ZNF561: variants seen among roughly 807,000 people sequenced by gnomAD.
The protein encoded by ZNF561 is zinc finger protein 561.
A neutral mutation model predicts 16.7 loss-of-function variants in ZNF561; 16 were observed. The ratio of observed to expected loss-of-function variants is 0.96; its 90% CI spans 0.65 to 1.45. ZNF561 has a LOEUF of 1.45. Ranked by LOEUF, ZNF561 falls within the 40% of genes most tolerant of loss-of-function variation. The pLI, the probability that ZNF561 is intolerant of heterozygous loss-of-function variation, is 0.00. For missense variants in ZNF561, 580 were observed against 578.0 expected, an observed-to-expected ratio of 1.00 and a Z score of -0.04; for synonymous variants, 190 against 192.1, an observed-to-expected ratio of 0.99 and a Z score of 0.09.
Position 9,610,229 on chromosome 19 carries a change from C to G in ZNF561, c.1432G>C (p.Glu478Gln). 1 of 1,607,112 alleles carries G rather than the reference C, an allele frequency of 6.2e-7. No homozygotes were observed. The highest frequency in any genetic ancestry group is 8.5e-7 in the Non-Finnish European group (1 of 1,176,448). The change falls in exon 6 of 6, where the codon GAA becomes CAA. Residue 478 changes from glutamate (E) to glutamine (Q), a missense_variant. Transcript: ENST00000302851. ...ATGGTAACACTCATATCCTTGCATTCATAGGGTTTCTCCCCAGTGTGAATT... is the reference window on the plus strand; with the variant it reads ...ATGGTAACACTCATATCCTTGCATTGATAGGGTTTCTCCCCAGTGTGAATT... ...ERIHTGEKPYECKDMSVTI is the reference protein window; with the variant it reads ...ERIHTGEKPYQCKDMSVTI
chr19:9,612,226 C>T (rs911281882), intron 5 of ZNF561, among the ~76,000 whole-genome samples: 1 of 151,828 alleles, frequency 6.6e-6, no homozygotes, highest in South Asian at 2.1e-4. Flanking sequence ...CCATGCCCCA[C>T]CTCAGTTTAT....
chr19:9,613,678 C>T lies in ZNF561; in HGVS notation c.324+343G>A, dbSNP rs138102400. The stretch of plus-strand genomic sequence containing the variant: ...TATGACAGGTGCCCACCACCACACT[C>T]GGCTAATTTTGTATTCTTAGTAGAG... On this transcript the variant is annotated intron_variant, in intron 5 of 5. Coordinates refer to ENST00000302851, the MANE Select transcript of ZNF561 (RefSeq NM_152289.3). 1.9e-3 allele frequency among the ~76,000 whole-genome samples: 288 copies of T among 152,212 alleles called. 2 individuals are homozygous for T. The highest frequency in any genetic ancestry group is 6.4e-3 in the African/African-American group (267 of 41,516).
In ZNF561 at chr19:9,609,193, T is replaced by C. The variant is rs1331464450; in HGVS notation, c.*1007A>G. The C allele has an allele frequency of 1.3e-5, 2 of 152,204 alleles. No homozygotes were observed. Among genetic ancestry groups the C allele is most frequent in the Admixed American group, 6.5e-5 (1 of 15,274 alleles). The allele number at this position is 152,204 out of a possible 1,614,324, so 9.4% of individuals were successfully genotyped here. A position where few individuals can be genotyped will look rare whatever the true frequency, so the allele number is the denominator to read the frequency against. On this transcript the variant is annotated 3_prime_UTR_variant, in exon 6 of 6. Transcript: ENST00000302851. The stretch of plus-strand genomic sequence containing the variant: ...AGGAATACTTTTAGCTAATCTATAA[T>C]CTATAGAAATAATGTTTATCACAGG...
At chr19:9,618,284 T>C (rs2074595890) in intron 2 of ZNF561, 105 bp from the exon 3 acceptor site, 6 of 1,119,286 alleles carry the variant, frequency 5.4e-6, no homozygotes, top group Non-Finnish European at 7.7e-6. Context: ...GATATGCTCC[T>C]ACACACTCGA....
intron 4 of ZNF561, among the ~76,000 whole-genome samples, chr19:9,615,198 G>T (rs1015358607): frequency 1.3e-5 from 2 of 152,002 alleles, no homozygotes; most frequent in African/African-American, 4.8e-5. Flanking sequence ...TAAAAGCTAA[G>T]ATCTCCATTT....
Position 9,609,016 on chromosome 19 carries a change from G to A in ZNF561, c.*1184C>T, listed in dbSNP as rs1278451897. On this transcript the variant is annotated 3_prime_UTR_variant, in exon 6 of 6. Transcript: ENST00000302851. Reference sequence around the variant, plus strand: ...CTGGAGGTTGCTGGTTTACCCGAATGAGGGCAAGGAACACCTGGCCCACCC... The same window carrying A: ...CTGGAGGTTGCTGGTTTACCCGAATAAGGGCAAGGAACACCTGGCCCACCC... 2 of 152,166 alleles carry A rather than the reference G, an allele frequency of 1.3e-5. No individual in the cohort carries two copies. The highest frequency in any genetic ancestry group is 2.9e-5 in the Non-Finnish European group (2 of 68,038). 9.4% of individuals were successfully genotyped at this position (152,166 alleles called of 1,614,324 possible).
intron 2 of ZNF561, among the ~76,000 whole-genome samples, chr19:9,618,696 A>G (rs2074603634): frequency 6.6e-6 from 1 of 151,978 alleles, no homozygotes; most frequent in Non-Finnish European, 1.5e-5. Flanking sequence ...ACTGCACTCT[A>G]GCCTGGGTGA....
intron 4 of ZNF561, 178 bp from the exon 5 acceptor site, chr19:9,614,281 T>C: frequency 3.1e-6 from 2 of 646,826 alleles, no homozygotes; most frequent in Non-Finnish European, 5.3e-6. Context: ...ACATAACTGA[T>C]GTGTTTAGAT....
intron 4 of ZNF561, among the ~76,000 whole-genome samples, chr19:9,616,512 C>T (rs1256540514): frequency 6.6e-5 from 10 of 152,018 alleles, no homozygotes; most frequent in Admixed American, 1.3e-4. Context: ...AATTCCTGAC[C>T]GCATGTGATC....
chr19:9,619,836 C>T (rs1370655820), intron 1 of ZNF561, among the ~76,000 whole-genome samples: 1 of 148,716 alleles, frequency 6.7e-6, no homozygotes, highest in Non-Finnish European at 1.5e-5. Context: ...GCTATCATTA[C>T]CTCTATCTAT....
In ZNF561 at chr19:9,619,489, C is replaced by A. The variant is rs762183925; in HGVS notation, c.-33G>T. 1 of 1,611,552 alleles carries A rather than the reference C, an allele frequency of 6.2e-7. No homozygotes were observed. Among genetic ancestry groups the A allele is most frequent in the Non-Finnish European group, 8.5e-7 (1 of 1,178,322 alleles). On this transcript the variant is annotated 5_prime_UTR_variant, in exon 2 of 6. Coordinates refer to ENST00000302851, the MANE Select transcript of ZNF561 (RefSeq NM_152289.3). ...AGCTGATGGTGTGATGATGTGCATC[C>A]CTTCCTTGATGCCAAGATCACCTCA...
chr19:9,612,498 G>T (rs780609438), intron 5 of ZNF561, among the ~76,000 whole-genome samples: 2 of 152,044 alleles, frequency 1.3e-5, no homozygotes, highest in Admixed American at 6.6e-5. Flanking sequence ...GATTACAGGC[G>T]TGAGCCACCA....
intron 1 of ZNF561, 51 bp from the exon 2 acceptor site, chr19:9,619,633 A>G (rs1157958077): frequency 3.9e-6 from 2 of 515,146 alleles, no homozygotes; most frequent in Non-Finnish European, 6.6e-6. Flanking sequence ...GTCATCAAAC[A>G]TTATGCCTGA....
In ZNF561 at chr19:9,611,296, T is replaced by C; in HGVS notation, c.365A>G (p.Asn122Ser). The change falls in exon 6 of 6, where the codon AAT becomes AGT. Residue 122 changes from asparagine (N) to serine (S), a missense_variant. Coordinates refer to ENST00000302851, the MANE Select transcript of ZNF561 (RefSeq NM_152289.3). Reference protein sequence around the residue: ...YSGWKLCDCKNCGEVFREQFC... With the variant: ...YSGWKLCDCKSCGEVFREQFC... ...CTGTTCCCTGAAGACCTCTCCACAATTCTTACAGTCACAGAGTTTCCATCC... is the reference window on the plus strand; with the variant it reads ...CTGTTCCCTGAAGACCTCTCCACAACTCTTACAGTCACAGAGTTTCCATCC... 6.2e-7 allele frequency: 1 copy of C among 1,613,698 alleles called. No homozygotes were observed.
In ZNF561 at chr19:9,608,041, T is replaced by C. The variant is rs1017684804; in HGVS notation, c.*2159A>G. ...TACCCGCCACCACGCCAGGCTAATTTTTTGTATTTGTAGTAGAGACAGGGT... is the reference window on the plus strand; with the variant it reads ...TACCCGCCACCACGCCAGGCTAATTCTTTGTATTTGTAGTAGAGACAGGGT... On this transcript the variant is annotated 3_prime_UTR_variant, in exon 6 of 6. Transcript: ENST00000302851. 2 of 139,554 alleles carry C rather than the reference T, an allele frequency of 1.4e-5. No individual in the cohort carries two copies. The highest frequency in any genetic ancestry group is 2.9e-5 in the African/African-American group (1 of 34,076). 8.6% of individuals were successfully genotyped at this position (139,554 alleles called of 1,614,324 possible). A position where few individuals can be genotyped will look rare whatever the true frequency, so the allele number is the denominator to read the frequency against.
At chr19:9,620,706 A>T (rs1023920202) in intron 1 of ZNF561, among the ~76,000 whole-genome samples, 4 of 152,206 alleles carry the variant, frequency 2.6e-5, no homozygotes, top group African/African-American at 9.6e-5. Flanking sequence ...GTTATTGATA[A>T]CTTCATTACG....
intron 3 of ZNF561, chr19:9,617,807 T>C (rs1175733015): frequency 2.0e-6 from 1 of 495,294 alleles, no homozygotes; most frequent in South Asian, 1.5e-5. Flanking sequence ...CACTTTCATC[T>C]GCTTTATCAT....
At chr19:9,620,215 G>A (rs1004649929) in intron 1 of ZNF561, among the ~76,000 whole-genome samples, 4 of 152,094 alleles carry the variant, frequency 2.6e-5, no homozygotes, top group African/African-American at 9.7e-5. Context: ...TCAGCCTCCC[G>A]AGTAGCTGGG....
intron 1 of ZNF561, among the ~76,000 whole-genome samples, chr19:9,620,593 TC>T (rs1202607540): frequency 1.3e-5 from 2 of 152,046 alleles, no homozygotes; most frequent in African/African-American, 4.8e-5. Flanking sequence ...CTGATACTTG[TC>T]CCTAGAGCCT....
Sources: gnomAD v4.1 joint callset for allele counts (sites outside exome capture counted in the v4.1 genomes callset) on GRCh38, gnomAD v4.1.1 for gene constraint, MANE v1.5 for transcripts, NCBI Gene and HGNC (gene_info 2026-07-23, HGNC 2026-07-21) for gene names.